The following RALGAPA2 variants were observed in gnomAD, a reference collection of about 807,000 sequenced individuals.
RALGAPA2 encodes ral GTPase-activating protein subunit alpha-2.
A neutral mutation model predicts 230.4 loss-of-function variants in RALGAPA2; 139 were observed. That is an observed-to-expected ratio of 0.60 (90% confidence interval 0.53 to 0.69). RALGAPA2 has a LOEUF of 0.69. Among genes scored for constraint, RALGAPA2 ranks in the 30% least tolerant of loss-of-function variants. The pLI is 0.00. For synonymous variants in RALGAPA2, 847 were observed against 837.8 expected (o/e 1.01, Z -0.19); for missense variants, 2,163 against 2,276.0 (o/e 0.95, Z 1.01).
At chr20:20,697,973 T>C (rs1479804315) in intron 1 of RALGAPA2, among the ~76,000 whole-genome samples, 6 of 152,162 alleles carry the variant, frequency 3.9e-5, no homozygotes, top group Admixed American at 3.9e-4. Flanking sequence ...AAATCCTCTT[T>C]GGCATGGGTT....
At chr20:20,403,602 C>G (rs2059891371) in intron 38 of RALGAPA2, among the ~76,000 whole-genome samples, 1 of 152,158 alleles carries the variant, frequency 6.6e-6, no homozygotes, top group South Asian at 2.1e-4. Context: ...GACTGTCACC[C>G]TGGTCCGGAG....
chr20:20,685,266 C>T (rs1445194053), intron 1 of RALGAPA2, among the ~76,000 whole-genome samples: 1 of 152,084 alleles, frequency 6.6e-6, no homozygotes. Context: ...GAATAAGACC[C>T]GAGGCCCTCA....
intron 2 of RALGAPA2, among the ~76,000 whole-genome samples, chr20:20,677,629 ATTTTTTTTTT>A (rs758379115): frequency 6.2e-5 from 4 of 64,280 alleles, no homozygotes; most frequent in East Asian, 9.1e-4. Context: ...GATTTGACCC[ATTTTTTTTTT>A]TTTTTTTTTT....
intron 23 of RALGAPA2, among the ~76,000 whole-genome samples, chr20:20,550,449 A>G (rs1275281521): frequency 6.6e-6 from 1 of 152,192 alleles, no homozygotes; most frequent in Non-Finnish European, 1.5e-5. Flanking sequence ...CACAGAATGC[A>G]ATGTCAGGGT....
At chr20:20,540,192 T>C (rs969151133) in intron 24 of RALGAPA2, among the ~76,000 whole-genome samples, 7 of 152,218 alleles carry the variant, frequency 4.6e-5, no homozygotes, top group African/African-American at 1.7e-4. Context: ...CATACTGTTT[T>C]CCATAATGGC....
chr20:20,469,729 C>T (rs1256168726), intron 37 of RALGAPA2, among the ~76,000 whole-genome samples: 4 of 152,282 alleles, frequency 2.6e-5, no homozygotes, highest in African/African-American at 7.2e-5. Context: ...GTTGTGGAAA[C>T]GTCTATCAGT....
intron 3 of RALGAPA2, among the ~76,000 whole-genome samples, chr20:20,654,856 C>T (rs962330038): frequency 1.3e-5 from 2 of 152,178 alleles, no homozygotes; most frequent in Non-Finnish European, 2.9e-5. Context: ...TTTACACTCC[C>T]ACCAACAGTA....
intron 27 of RALGAPA2, 56 bp from the exon 28 acceptor site, chr20:20,526,418 C>T (rs1004020187): frequency 6.9e-6 from 8 of 1,162,586 alleles, no homozygotes; most frequent in Non-Finnish European, 8.6e-6. Flanking sequence ...GTGTATCGTT[C>T]TTAAGGACAA....
At chr20:20,530,590 G>A (rs1446208609) in intron 27 of RALGAPA2, among the ~76,000 whole-genome samples, 2 of 152,212 alleles carry the variant, frequency 1.3e-5, no homozygotes, top group African/African-American at 2.4e-5. Flanking sequence ...TGCACAAAGG[G>A]TGGTACAGAG....
intron 24 of RALGAPA2, among the ~76,000 whole-genome samples, chr20:20,542,941 A>G (rs1301234770): frequency 6.6e-6 from 1 of 152,262 alleles, no homozygotes; most frequent in Non-Finnish European, 1.5e-5. Flanking sequence ...GTTTCTGCAC[A>G]CCAAAAGAAA....
Position 20,575,264 on chromosome 20 carries a change from G to A in RALGAPA2, c.2708-2196C>T, listed in dbSNP as rs140812258. Among the ~76,000 whole-genome samples the A allele has an allele frequency of 3.9e-5, 6 of 152,172 alleles. No homozygotes were observed. The East Asian group carries it at 9.7e-4, about 25-fold the overall frequency. On this transcript the variant is annotated intron_variant, in intron 20 of 39. Coordinates refer to ENST00000202677, the MANE Select transcript of RALGAPA2 (RefSeq NM_020343.4). The stretch of plus-strand genomic sequence containing the variant: ...TTCTGGCCTAGATTTCTTTCCTCAA[G>A]TTTAAACTCATTTCTCCAACAACAT...
chr20:20,610,437 A>G (rs975970946), intron 14 of RALGAPA2, among the ~76,000 whole-genome samples: 4 of 152,266 alleles, frequency 2.6e-5, no homozygotes, highest in South Asian at 4.1e-4. Flanking sequence ...ACCACATGAG[A>G]TGCAAGAAGC....
At chr20:20,428,880 G>A (rs2328513) in intron 37 of RALGAPA2, among the ~76,000 whole-genome samples, 95,297 of 151,372 alleles carry the variant, frequency 0.63, 30,007 homozygotes, top group African/African-American at 0.69. Flanking sequence ...TTGCATCTCA[G>A]CCCTCCTCTA....
chr20:20,490,941 A>T (rs2062038206), intron 36 of RALGAPA2, among the ~76,000 whole-genome samples: 1 of 151,880 alleles, frequency 6.6e-6, no homozygotes, highest in Non-Finnish European at 1.5e-5. Flanking sequence ...CAAGAGAGCC[A>T]GCGACTACTT....
chr20:20,527,155 T>C (rs1436674327), intron 27 of RALGAPA2, among the ~76,000 whole-genome samples: 1 of 152,162 alleles, frequency 6.6e-6, no homozygotes, highest in Non-Finnish European at 1.5e-5. Context: ...GCAGGAAAGG[T>C]TCGTCGCTGA....
At chr20:20,466,091 T>C (rs548262042) in intron 37 of RALGAPA2, among the ~76,000 whole-genome samples, 1 of 152,336 alleles carries the variant, frequency 6.6e-6, no homozygotes, top group East Asian at 1.9e-4. Flanking sequence ...TGGTGGTGCC[T>C]GGCACCAGGC....
rs149668775 is a variant in RALGAPA2 at position 20,394,827 on chromosome 20, T to C, written c.*36-1574A>G. Among the ~76,000 whole-genome samples the C allele has an allele frequency of 1.5e-4, 18 of 121,220 alleles. No homozygotes were observed. The East Asian group carries it at 4.1e-3, about 28-fold the overall frequency. The allele number at this position is 121,220 out of a possible 152,430, so 79.5% of individuals were successfully genotyped here. A position where few individuals can be genotyped will look rare whatever the true frequency, so the allele number is the denominator to read the frequency against. On this transcript the variant is annotated intron_variant, in intron 39 of 39. Coordinates refer to ENST00000202677, the MANE Select transcript of RALGAPA2 (RefSeq NM_020343.4). Reference sequence around the variant, plus strand: ...GCATGGGAGAACAGACTTGATTTAATCCCAGACAATATTCCAACAGCCCAG... The same window carrying C: ...GCATGGGAGAACAGACTTGATTTAACCCCAGACAATATTCCAACAGCCCAG...
At chr20:20,647,733 G>C (rs754786760) in intron 4 of RALGAPA2, among the ~76,000 whole-genome samples, 11 of 151,640 alleles carry the variant, frequency 7.3e-5, no homozygotes, top group Non-Finnish European at 1.2e-4. Context: ...TTTTTTAATG[G>C]GCAATAGATT....
At chr20:20,648,825 T>A (rs1442599670) in intron 4 of RALGAPA2, among the ~76,000 whole-genome samples, 1 of 151,864 alleles carries the variant, frequency 6.6e-6, no homozygotes, top group Admixed American at 6.6e-5. Flanking sequence ...ACAGAGGGAA[T>A]GGTGGCTGAT....
Sources: gnomAD v4.1 joint callset for allele counts (sites outside exome capture counted in the v4.1 genomes callset) on GRCh38, gnomAD v4.1.1 for gene constraint, MANE v1.5 for transcripts, NCBI Gene and HGNC (gene_info 2026-07-23, HGNC 2026-07-21) for gene names.